Variants in UNC5D observed in about 807,000 individuals in gnomAD.
The protein encoded by UNC5D is unc-5 netrin receptor D.
UNC5D carries 39 observed loss-of-function variants against 105.4 expected under a neutral mutation model. The observed-to-expected ratio is 0.37, with a 90% CI of 0.29 to 0.48. The LOEUF is 0.48. UNC5D is among the 20% of genes least tolerant of loss of function. The pLI is 0.98. For missense variants in UNC5D, 991 were observed against 1,202.4 expected (o/e 0.82, Z 2.60); for synonymous variants, 452 against 450.4 (o/e 1.00, Z -0.04).
intron 4 of UNC5D, among the ~76,000 whole-genome samples, chr8:35,617,392 C>A (rs899452224): frequency 2.0e-5 from 3 of 152,158 alleles, no homozygotes; most frequent in Admixed American, 6.5e-5. Flanking sequence ...AGAATGAGCA[C>A]CTGCCTACGT....
At chr8:35,522,344 T>C (rs993057585) in intron 1 of UNC5D, among the ~76,000 whole-genome samples, 1 of 152,206 alleles carries the variant, frequency 6.6e-6, no homozygotes, top group Admixed American at 6.5e-5. Context: ...TGAGCTCTCA[T>C]GTGAAGCCAA....
At chr8:35,657,083 T>C (rs1374381985) in intron 4 of UNC5D, among the ~76,000 whole-genome samples, 11 of 44,406 alleles carry the variant, frequency 2.5e-4, no homozygotes, top group African/African-American at 9.9e-4. Flanking sequence ...TGTGTGTGTA[T>C]ATATATATAT....
At chr8:35,482,530 C>T (rs990966727) in intron 1 of UNC5D, among the ~76,000 whole-genome samples, 4 of 152,202 alleles carry the variant, frequency 2.6e-5, no homozygotes, top group African/African-American at 4.8e-5. Context: ...CCACAGTTGA[C>T]GAACCACTGA....
chr8:35,253,630 G>T (rs1340297258), intron 1 of UNC5D, among the ~76,000 whole-genome samples: 1 of 151,836 alleles, frequency 6.6e-6, no homozygotes, highest in African/African-American at 2.4e-5. Context: ...GGGACTACAG[G>T]CATGTGCCAC....
At chr8:35,326,679 C>T (rs1323101669) in intron 1 of UNC5D, among the ~76,000 whole-genome samples, 1 of 151,978 alleles carries the variant, frequency 6.6e-6, no homozygotes, top group African/African-American at 2.4e-5. Flanking sequence ...CTCACATGAG[C>T]CTAGGAGTCA....
intron 1 of UNC5D, among the ~76,000 whole-genome samples, chr8:35,489,377 T>A (rs143799752): frequency 6.6e-6 from 1 of 152,202 alleles, no homozygotes; most frequent in East Asian, 1.9e-4. Flanking sequence ...TAACACCCAG[T>A]GTCTCAGAAT....
intron 4 of UNC5D, among the ~76,000 whole-genome samples, chr8:35,657,182 T>A (rs1330605191): frequency 2.0e-5 from 3 of 146,842 alleles, no homozygotes; most frequent in Non-Finnish European, 4.5e-5. Flanking sequence ...TTGAAATTGC[T>A]AGAGATTTTG....
intron 1 of UNC5D, among the ~76,000 whole-genome samples, chr8:35,261,195 T>G (rs187148647): frequency 6.6e-6 from 1 of 152,222 alleles, no homozygotes; most frequent in East Asian, 1.9e-4. Flanking sequence ...TTAAAATTCA[T>G]GCACAGTAGC....
At chr8:35,239,131 G>T (rs1802646907) in intron 1 of UNC5D, among the ~76,000 whole-genome samples, 2 of 152,076 alleles carry the variant, frequency 1.3e-5, no homozygotes, top group South Asian at 4.2e-4. Flanking sequence ...GAGATTAATT[G>T]TTCTGACCTA....
intron 1 of UNC5D, among the ~76,000 whole-genome samples, chr8:35,371,578 T>A (rs2128925256): frequency 6.6e-6 from 1 of 152,308 alleles, no homozygotes; most frequent in South Asian, 2.1e-4. Context: ...GCTGAGGACC[T>A]ATTTTTTTCC....
intron 1 of UNC5D, among the ~76,000 whole-genome samples, chr8:35,450,220 C>T (rs933430050): frequency 6.6e-6 from 1 of 152,078 alleles, no homozygotes; most frequent in African/African-American, 2.4e-5. Context: ...AGGAAATGCA[C>T]AGTAATGCAC....
chr8:35,728,170 T>G (rs1828990944), intron 10 of UNC5D, among the ~76,000 whole-genome samples: 1 of 151,106 alleles, frequency 6.6e-6, no homozygotes, highest in Non-Finnish European at 1.5e-5. Flanking sequence ...TGCAATTATC[T>G]TATCTCTTTC....
chr8:35,237,003 G>C (rs931863608), intron 1 of UNC5D, among the ~76,000 whole-genome samples: 3 of 151,974 alleles, frequency 2.0e-5, no homozygotes, highest in African/African-American at 7.3e-5. Context: ...AGAGTGAAAG[G>C]GTGGAAAGGG....
chr8:35,658,143 A>G (rs911429546), intron 4 of UNC5D, among the ~76,000 whole-genome samples: 16 of 152,302 alleles, frequency 1.1e-4, no homozygotes, highest in Non-Finnish European at 1.9e-4. Flanking sequence ...CTTTTATTAT[A>G]TGACCTCAAT....
chr8:35,748,457 C>T, intron 11 of UNC5D, 70 bp from the exon 12 acceptor site: 4 of 1,508,906 alleles, frequency 2.7e-6, no homozygotes, highest in Non-Finnish European at 3.6e-6. Context: ...AGTCTGTTAA[C>T]CAAATTCTCA....
At chr8:35,362,002 A>C (rs915650723) in intron 1 of UNC5D, among the ~76,000 whole-genome samples, 6 of 152,180 alleles carry the variant, frequency 3.9e-5, no homozygotes, top group Admixed American at 6.6e-5. Context: ...ATTAGTGGCA[A>C]ATAAAATCTT....
chr8:35,520,643 A>T (rs777334271), intron 1 of UNC5D, among the ~76,000 whole-genome samples: 14 of 152,164 alleles, frequency 9.2e-5, no homozygotes, highest in South Asian at 6.2e-4. Context: ...GTTCAAAACC[A>T]ATCAGCTAAA....
chr8:35,359,299 C>T (rs904182701), intron 1 of UNC5D, among the ~76,000 whole-genome samples: 8 of 152,188 alleles, frequency 5.3e-5, no homozygotes, highest in African/African-American at 1.9e-4. Flanking sequence ...TCTTTTCTTC[C>T]TCAAACATGG....
intron 4 of UNC5D, among the ~76,000 whole-genome samples, chr8:35,599,224 G>T (rs1819684633): frequency 6.6e-6 from 1 of 151,828 alleles, no homozygotes; most frequent in South Asian, 2.1e-4. Flanking sequence ...GCGGAGATGG[G>T]GAGAGGTTGA....
Sources: gnomAD v4.1 joint callset for allele counts (sites outside exome capture counted in the v4.1 genomes callset) on GRCh38, gnomAD v4.1.1 for gene constraint, MANE v1.5 for transcripts, NCBI Gene and HGNC (gene_info 2026-07-23, HGNC 2026-07-21) for gene names.